TTC39A: variants seen among roughly 807,000 people sequenced by gnomAD.
TTC39A encodes tetratricopeptide repeat protein 39A.
A neutral mutation model predicts 82.3 loss-of-function variants in TTC39A; 46 were observed. That is an observed-to-expected ratio of 0.56 (90% CI 0.44 to 0.71). The LOEUF is 0.71. Among genes scored for constraint, TTC39A ranks in the 30% least tolerant of loss-of-function variants. TTC39A has a pLI of 0.00. For missense variants in TTC39A, 543 were observed against 712.9 expected, an observed-to-expected ratio of 0.76 and a Z score of 2.71; for synonymous variants, 254 against 275.2, an observed-to-expected ratio of 0.92 and a Z score of 0.76.
chr1:51,310,021 G>T (rs1299836114), intron 5 of TTC39A, among the ~76,000 whole-genome samples: 2 of 152,038 alleles, frequency 1.3e-5, no homozygotes, highest in Non-Finnish European at 2.9e-5. Context: ...AAAAAAAATA[G>T]AGTAGGGCCA....
Position 51,294,297 on chromosome 1 carries a change from T to C in TTC39A, c.1266+94A>G, listed in dbSNP as rs1204551021. The C allele has an allele frequency of 4.4e-6, 7 of 1,584,580 alleles. No individual in the cohort carries two copies. The highest frequency in any genetic ancestry group is 6.0e-6 in the Non-Finnish European group (7 of 1,163,808). On this transcript the variant is annotated intron_variant, in intron 14 of 17. Transcript: ENST00000680483. The surrounding 1 kb of genome is among the most constrained non-coding windows in gnomAD (Gnocchi z 4.3). ...CCCAGGCCCCTGAGGCATGAAGGTC[T>C]TTCTCCTCATCCACCTCCCCCTGGC...
chr1:51,301,796 C>G, intron 11 of TTC39A, 63 bp from the exon 12 acceptor site: 1 of 1,566,804 alleles, frequency 6.4e-7, no homozygotes, highest in Non-Finnish European at 8.6e-7. Flanking sequence ...CTGCATCCTC[C>G]GAACCTCCCA....
intron 7 of TTC39A, chr1:51,305,677 AT>A (rs1277195596): frequency 2.2e-6 from 1 of 452,418 alleles, no homozygotes; most frequent in Admixed American, 3.7e-5. Flanking sequence ...GAAAGCCCTG[AT>A]TTATTGTGTG....
chr1:51,317,968 G>C (rs184976690), intron 2 of TTC39A, among the ~76,000 whole-genome samples: 1 of 152,260 alleles, frequency 6.6e-6, no homozygotes, highest in African/African-American at 2.4e-5. Context: ...TGAGGTGAGG[G>C]GGCCACAGAG....
At chr1:51,336,715 G>A (rs941925164) in intron 1 of TTC39A, among the ~76,000 whole-genome samples, 3 of 151,226 alleles carry the variant, frequency 2.0e-5, no homozygotes, top group Non-Finnish European at 4.4e-5. Context: ...ATAGTTCAGA[G>A]AGCAGGTTTG....
intron 2 of TTC39A, among the ~76,000 whole-genome samples, chr1:51,313,304 T>C (rs1645155334): frequency 6.6e-6 from 1 of 152,106 alleles, no homozygotes; most frequent in African/African-American, 2.4e-5. Context: ...CCCTCTTGCC[T>C]TCTGCCCCCA....
intron 1 of TTC39A, among the ~76,000 whole-genome samples, chr1:51,341,188 C>T (rs1470304325): frequency 8.3e-6 from 1 of 119,980 alleles, no homozygotes; most frequent in Non-Finnish European, 1.7e-5. Flanking sequence ...CCCCCCCACC[C>T]CCCGCCCACA....
chr1:51,295,734 A>T (rs1426466043), intron 13 of TTC39A: 3 of 334,356 alleles, frequency 9.0e-6, no homozygotes, highest in African/African-American at 2.1e-5. Flanking sequence ...TGAGTGTCTC[A>T]GGTTAACTCA....
chr1:51,312,321 G>C (rs1569901617), intron 3 of TTC39A, 126 bp from the exon 4 acceptor site: 1 of 964,490 alleles, frequency 1.0e-6, no homozygotes, highest in Non-Finnish European at 1.5e-6. Flanking sequence ...CACAGGCTTA[G>C]AGGTCAAACA....
Position 51,337,982 on chromosome 1 carries a change from G to A in TTC39A, c.53+7009C>T, listed in dbSNP as rs61449862. On this transcript the variant is annotated intron_variant, in intron 1 of 5. Transcript: ENST00000401051. Reference sequence around the variant, plus strand: ...AGTAGCTGAGACTCTAGGGACATGTGGCTGTGCCCAGCTTCAGGAATTTGT... The same window carrying A: ...AGTAGCTGAGACTCTAGGGACATGTAGCTGTGCCCAGCTTCAGGAATTTGT... 9.5e-3 allele frequency among the ~76,000 whole-genome samples: 1,438 copies of A among 152,156 alleles called. 24 individuals carry two copies. Among genetic ancestry groups the A allele is most frequent in the African/African-American group, 0.033 (1,371 of 41,494 alleles).
chr1:51,304,525 T>C (rs770455148), intron 8 of TTC39A, among the ~76,000 whole-genome samples: 2 of 152,218 alleles, frequency 1.3e-5, no homozygotes, highest in African/African-American at 2.4e-5. Flanking sequence ...GTGCTCCTTC[T>C]ACCACACTAG....
intron 2 of TTC39A, among the ~76,000 whole-genome samples, chr1:51,317,222 C>T (rs1406772152): frequency 1.3e-5 from 2 of 152,212 alleles, no homozygotes; most frequent in African/African-American, 4.8e-5. Flanking sequence ...CGAAGAACAG[C>T]GAATGACACT....
At chr1:51,332,779 CAG>C (rs1645929289), upstream of TTC39A, among the ~76,000 whole-genome samples, 1 of 152,196 alleles carries the variant, frequency 6.6e-6, no homozygotes, top group Admixed American at 6.5e-5. Flanking sequence ...CACATAAATT[CAG>C]AGTCAAAAAT....
chr1:51,333,070 G>A (rs1426594355), upstream of TTC39A, among the ~76,000 whole-genome samples: 8 of 152,122 alleles, frequency 5.3e-5, no homozygotes, highest in East Asian at 5.8e-4. Flanking sequence ...AAATTAGATA[G>A]GCATGGTGGC....
intron 13 of TTC39A, chr1:51,295,747 AG>A (rs1383515742): frequency 8.0e-6 from 3 of 372,926 alleles, no homozygotes; most frequent in African/African-American, 6.1e-5. Context: ...TTAACTCAGC[AG>A]AGTGAAAGAC....
At chr1:51,324,870 C>T (rs1645654502) in intron 1 of TTC39A, among the ~76,000 whole-genome samples, 1 of 152,006 alleles carries the variant, frequency 6.6e-6, no homozygotes, top group Non-Finnish European at 1.5e-5. Context: ...GTAACTCATC[C>T]CCACCTCTAG....
At position 51,330,163 on chromosome 1, in the gene TTC39A, C is replaced by T; in HGVS notation, c.41+274G>A. 1.0e-6 allele frequency: 1 copy of T among 985,628 alleles called. No individual in the cohort carries two copies. Among genetic ancestry groups the T allele is most frequent in the Non-Finnish European group, 1.2e-6 (1 of 830,104 alleles). 61.1% of individuals were successfully genotyped at this position (985,628 alleles called of 1,614,324 possible). On this transcript the variant is annotated intron_variant, in intron 1 of 17. Coordinates refer to ENST00000680483, the MANE Select transcript of TTC39A (RefSeq NM_001297663.2). This position sits in a 1 kb window ranked among gnomAD's most constrained non-coding sequence, Gnocchi z 4.5. Reference sequence around the variant, plus strand: ...GCCACGAGGCAGGTGGGGAAGGCTGCTCTGAACGTGTCTGTGACTACAGCT... The same window carrying T: ...GCCACGAGGCAGGTGGGGAAGGCTGTTCTGAACGTGTCTGTGACTACAGCT...
At chr1:51,313,480 C>T (rs909171986) in intron 2 of TTC39A, among the ~76,000 whole-genome samples, 1 of 152,190 alleles carries the variant, frequency 6.6e-6, no homozygotes, top group African/African-American at 2.4e-5. Context: ...GTTACACCTT[C>T]CCATGGCTCC....
intron 12 of TTC39A, chr1:51,298,848 C>T (rs1426429895): frequency 6.6e-6 from 1 of 152,310 alleles, no homozygotes; most frequent in Admixed American, 6.5e-5. Flanking sequence ...CTTTGGTTGC[C>T]TGGGCATGCC....
Sources: allele counts gnomAD v4.1 joint callset (sites outside exome capture counted in the v4.1 genomes callset), GRCh38; gene constraint gnomAD v4.1.1; non-coding constraint Gnocchi (gnomAD v3.1); transcripts MANE v1.5; gene names NCBI Gene and HGNC (gene_info 2026-07-23, HGNC 2026-07-21).